Variants in SPATA13 observed in about 807,000 individuals in gnomAD.
SPATA13 encodes spermatogenesis associated 13, also known as spermatogenesis-associated protein 13.
SPATA13 carries 50 observed loss-of-function variants against 104.0 expected under a neutral mutation model. The ratio of observed to expected loss-of-function variants is 0.48; its 90% CI spans 0.38 to 0.61. SPATA13 has a LOEUF of 0.61. Ranked by LOEUF, SPATA13 falls within the 20% of genes least tolerant of loss-of-function variation. The pLI, the probability that SPATA13 is intolerant of heterozygous loss-of-function variation, is 0.00. For missense variants in SPATA13, 1,524 were observed against 1,690.6 expected, an observed-to-expected ratio of 0.90 and a Z score of 1.73; for synonymous variants, 606 against 667.5, an observed-to-expected ratio of 0.91 and a Z score of 1.42.
intron 1 of SPATA13, among the ~76,000 whole-genome samples, chr13:24,188,413 T>C (rs1265211759): frequency 6.6e-6 from 1 of 152,154 alleles, no homozygotes; most frequent in Non-Finnish European, 1.5e-5. Flanking sequence ...ATCGCTGATA[T>C]TGAGAAAGTT....
At chr13:24,128,630 C>G (rs147605031) in intron 3 of SPATA13, among the ~76,000 whole-genome samples, 1 of 151,862 alleles carries the variant, frequency 6.6e-6, no homozygotes, top group Non-Finnish European at 1.5e-5. Context: ...TAACACTCCT[C>G]GCTGATGTGG....
intron 1 of SPATA13, among the ~76,000 whole-genome samples, chr13:23,980,908 A>G (rs1447667117): frequency 1.3e-5 from 2 of 152,200 alleles, no homozygotes; most frequent in East Asian, 3.9e-4. Context: ...GTTTTTTAAA[A>G]AATACGTTGT....
chr13:24,045,142 C>G (rs899876231), intron 3 of SPATA13, among the ~76,000 whole-genome samples: 4 of 152,160 alleles, frequency 2.6e-5, no homozygotes, highest in African/African-American at 9.7e-5. Context: ...GCCAATCCTT[C>G]TGACAAAGTT....
At chr13:24,014,316 AC>A (rs1032362807) in intron 2 of SPATA13, among the ~76,000 whole-genome samples, 1 of 152,150 alleles carries the variant, frequency 6.6e-6, no homozygotes, top group Admixed American at 6.5e-5. Flanking sequence ...ACTAAAGTTG[AC>A]AACTCGGGGG....
At position 24,143,419 on chromosome 13, in the gene SPATA13, T is replaced by G. The variant is rs189709482; in HGVS notation, c.-111-79400T>G. The stretch of plus-strand genomic sequence containing the variant: ...CAAGGGGAAGGCATTAGAATAGAGG[T>G]TTTGTGTTGATAAAAATCCGCAGCT... On this transcript the variant is annotated intron_variant, in intron 3 of 14. Coordinates refer to the SPATA13 transcript ENST00000424834. Among the ~76,000 whole-genome samples, 647 of 152,210 alleles carry G rather than the reference T, an allele frequency of 4.3e-3. 1 individual carries two copies. Among genetic ancestry groups the G allele is most frequent in the Non-Finnish European group, 6.5e-3 (442 of 68,016 alleles).
At chr13:24,075,772 G>A (rs1879304982) in intron 3 of SPATA13, among the ~76,000 whole-genome samples, 4 of 152,202 alleles carry the variant, frequency 2.6e-5, no homozygotes, top group Admixed American at 2.6e-4. Context: ...TGGACGGGAA[G>A]CACTGTTCTT....
chr13:24,037,274 G>A (rs898168778), intron 3 of SPATA13, among the ~76,000 whole-genome samples: 7 of 150,928 alleles, frequency 4.6e-5, no homozygotes, highest in Non-Finnish European at 7.4e-5. Flanking sequence ...AATGGGTGCA[G>A]CACACCAACA....
intron 4 of SPATA13, among the ~76,000 whole-genome samples, chr13:24,280,028 T>C (rs922712840): frequency 6.6e-6 from 1 of 152,250 alleles, no homozygotes; most frequent in Admixed American, 6.5e-5. Context: ...CTTTTTTCTT[T>C]TGAGGCAAAG....
chr13:24,279,008 T>C (rs1875278534), intron 4 of SPATA13, among the ~76,000 whole-genome samples: 1 of 139,390 alleles, frequency 7.2e-6, no homozygotes, highest in Non-Finnish European at 1.6e-5. Context: ...CTTCCTTCCT[T>C]CCCTGCCTCC....
chr13:24,018,565 A>G (rs1029348220), intron 3 of SPATA13, among the ~76,000 whole-genome samples: 1 of 152,248 alleles, frequency 6.6e-6, no homozygotes, highest in Non-Finnish European at 1.5e-5. Context: ...AGGTCTCAGA[A>G]AACCTGAGAG....
chr13:24,297,583 A>G lies in SPATA13; in HGVS notation c.3431A>G (p.Asp1144Gly), dbSNP rs1271660342. ...LVDLGDGRDK[D>G]CNLSVKNAFK... ...GACCTGGGGGATGGGCGCGACAAGGACTGCAACCTCAGCGTGAAAAATGCC... is the reference window on the plus strand; with the variant it reads ...GACCTGGGGGATGGGCGCGACAAGGGCTGCAACCTCAGCGTGAAAAATGCC... Residue 1144 changes from aspartate to glycine, a missense_variant, in exon 11 of 13, where the codon GAC becomes GGC. Asp to Gly is a moderately conservative substitution (Grantham distance 94). Transcript: ENST00000382108. The G allele has an allele frequency of 1.2e-6, 2 of 1,614,206 alleles. No individual in the cohort carries two copies. Among genetic ancestry groups the G allele is most frequent in the Middle Eastern group, 1.6e-4 (1 of 6,062 alleles).
intron 3 of SPATA13, among the ~76,000 whole-genome samples, chr13:24,080,522 C>T (rs1879476674): frequency 6.6e-6 from 1 of 152,212 alleles, no homozygotes; most frequent in Non-Finnish European, 1.5e-5. Context: ...ATGGGGATCA[C>T]TGCGCACACA....
chr13:24,286,988 T>C lies in SPATA13; in HGVS notation c.2667+38T>C. ...GCTGGGACCTCACTGAGGGTCACAG[T>C]ATGAGGCTGCATGAGGTGCCTGGGC... is the stretch of plus-strand genomic sequence containing the variant. On this transcript the variant is annotated intron_variant, in intron 7 of 12. Coordinates refer to ENST00000382108, the MANE Select transcript of SPATA13 (RefSeq NM_001166271.3). This position sits in a 1 kb window ranked among gnomAD's most constrained non-coding sequence, Gnocchi z 4.9. 2 of 1,584,670 alleles carry C rather than the reference T, an allele frequency of 1.3e-6. No individual in the cohort carries two copies. The highest frequency in any genetic ancestry group is 8.6e-7 in the Non-Finnish European group (1 of 1,159,644).
chr13:24,054,418 G>T (rs1379105322), intron 3 of SPATA13, among the ~76,000 whole-genome samples: 1 of 152,198 alleles, frequency 6.6e-6, no homozygotes, highest in Non-Finnish European at 1.5e-5. Flanking sequence ...CAGTGGCAGT[G>T]GTGGCATTAG....
In SPATA13 at chr13:24,054,850, TA is replaced by T. The variant is rs903351261; in HGVS notation, c.-112+37158del. On this transcript the variant is annotated intron_variant, in intron 3 of 14. Coordinates refer to the SPATA13 transcript ENST00000424834. ...GTCACTTATGAAGTGTAACCTCTTC[TA>T]AAAAAAAATTGTGTGACAGATCATA... Among the ~76,000 whole-genome samples the T allele has an allele frequency of 4.6e-5, 7 of 151,648 alleles. 1 individual carries two copies. The South Asian group carries it at 6.3e-4, about 14-fold the overall frequency.
At chr13:24,194,033 C>A (rs1416493214) in intron 1 of SPATA13, among the ~76,000 whole-genome samples, 3 of 152,162 alleles carry the variant, frequency 2.0e-5, no homozygotes, top group African/African-American at 7.2e-5. Flanking sequence ...AAGTTCATAG[C>A]CCATCTTCCC....
At chr13:24,071,003 C>T (rs1041096607) in intron 3 of SPATA13, among the ~76,000 whole-genome samples, 3 of 152,184 alleles carry the variant, frequency 2.0e-5, no homozygotes, top group Admixed American at 2.0e-4. Flanking sequence ...TATATGTCTA[C>T]GTCTGTGTTA....
Position 24,007,942 on chromosome 13 carries a change from C to T in SPATA13, c.-146-9725C>T, listed in dbSNP as rs575570979. ...CCCCAAGAAAGGACAGAAATTAGCT[C>T]TACCTCAAGCATAACCCAGAAGTCC... On this transcript the variant is annotated intron_variant, in intron 2 of 14. Coordinates refer to the SPATA13 transcript ENST00000424834. Among the ~76,000 whole-genome samples the T allele has an allele frequency of 5.9e-5, 9 of 152,338 alleles. No homozygotes were observed. The South Asian group carries it at 1.9e-3, about 32-fold the overall frequency.
chr13:24,302,758 C>G lies in SPATA13; in HGVS notation c.3819C>G (p.Thr1273=). 1 of 1,614,164 alleles carries G rather than the reference C, an allele frequency of 6.2e-7. No homozygotes were observed. Among genetic ancestry groups the G allele is most frequent in the East Asian group, 2.2e-5 (1 of 44,880 alleles). The change falls in exon 13 of 13, where the codon ACC becomes ACG. Residue 1273 remains threonine, a synonymous_variant. Coordinates refer to ENST00000382108, the MANE Select transcript of SPATA13 (RefSeq NM_001166271.3). The part of the protein sequence containing the change: ...SLFWHTFNRL[T]PFRK ...TCTGGCACACCTTCAACAGGCTCAC[C>G]CCCTTCCGGAAATGAAAACAGGAGG... is the stretch of plus-strand genomic sequence containing the variant.
Sources: allele counts gnomAD v4.1 joint callset (sites outside exome capture counted in the v4.1 genomes callset), GRCh38; gene constraint gnomAD v4.1.1; non-coding constraint Gnocchi (gnomAD v3.1); transcripts MANE v1.5; gene names NCBI Gene and HGNC (gene_info 2026-07-23, HGNC 2026-07-21).